Variants in DNM3 observed in about 807,000 individuals in gnomAD.
DNM3 encodes dynamin 3.
DNM3 carries 47 observed loss-of-function variants against 101.6 expected under a neutral mutation model. That is an observed-to-expected ratio of 0.46 (90% CI 0.37 to 0.59). The LOEUF is 0.59. Ranked by LOEUF, DNM3 falls within the 20% of genes least tolerant of loss-of-function variation. The pLI is 0.00. For synonymous variants in DNM3, 385 were observed against 387.9 expected (o/e 0.99, Z 0.09); for missense variants, 849 against 1,085.7 (o/e 0.78, Z 3.06).
chr1:172,005,783 A>G (rs2046648213), intron 4 of DNM3, among the ~76,000 whole-genome samples: 3 of 152,112 alleles, frequency 2.0e-5, no homozygotes, highest in African/African-American at 2.4e-5. Flanking sequence ...AACAAAACCA[A>G]TTGACTTAAT....
rs1178014433 is a variant in DNM3 at position 171,871,862 on chromosome 1, TTG to T, written c.161+30047_161+30048del. Among the ~76,000 whole-genome samples, 4 of 98,422 alleles carry T rather than the reference TTG, an allele frequency of 4.1e-5. No individual in the cohort carries two copies. The East Asian group carries it at 1.2e-3, about 31-fold the overall frequency. The allele number at this position is 98,422 out of a possible 152,430, so 64.6% of individuals were successfully genotyped here. A position where few individuals can be genotyped will look rare whatever the true frequency, so the allele number is the denominator to read the frequency against. ...TTCTGTTAAAATTTTAGTTGTTGTC[TTG>T]TTTTTTTTTTTTTGCTAAATAGAAT... On this transcript the variant is annotated intron_variant, in intron 1 of 20. Coordinates refer to ENST00000627582, the MANE Select transcript of DNM3 (RefSeq NM_015569.5).
chr1:172,304,274 T>C (rs1456446721), intron 15 of DNM3, among the ~76,000 whole-genome samples: 1 of 127,928 alleles, frequency 7.8e-6, no homozygotes, highest in Non-Finnish European at 1.6e-5. Context: ...CCAACAAAGA[T>C]CAAAAGAGAC....
intron 13 of DNM3, among the ~76,000 whole-genome samples, chr1:172,116,710 T>C (rs921980541): frequency 3.9e-5 from 6 of 152,236 alleles, no homozygotes; most frequent in Non-Finnish European, 8.8e-5. Context: ...TAAGCAAAGT[T>C]AAAAGGTGTG....
intron 14 of DNM3, among the ~76,000 whole-genome samples, chr1:172,222,354 C>T (rs144229060): frequency 6.6e-6 from 1 of 152,230 alleles, no homozygotes; most frequent in African/African-American, 2.4e-5. Flanking sequence ...CTCAAAGTTG[C>T]CTAATATCAA....
chr1:171,921,945 AT>A (rs1393014946), intron 2 of DNM3, 124 bp downstream of exon 2: 4 of 712,478 alleles, frequency 5.6e-6, no homozygotes, highest in Middle Eastern at 2.4e-4. Context: ...AGCTGCCCAC[AT>A]TTCTCTCCAG....
intron 2 of DNM3, among the ~76,000 whole-genome samples, chr1:171,941,306 C>T (rs1448738770): frequency 6.6e-6 from 1 of 152,112 alleles, no homozygotes; most frequent in East Asian, 1.9e-4. Flanking sequence ...GCAAAGGTGG[C>T]TTGGGTATTT....
chr1:171,914,148 G>T (rs969867096), intron 1 of DNM3, among the ~76,000 whole-genome samples: 6 of 151,792 alleles, frequency 4.0e-5, no homozygotes, highest in East Asian at 1.9e-4. Context: ...TCTGTTTTTT[G>T]GTTTTTGTTT....
intron 2 of DNM3, among the ~76,000 whole-genome samples, chr1:171,957,515 A>G (rs2042945126): frequency 1.3e-5 from 2 of 151,862 alleles, no homozygotes; most frequent in African/African-American, 4.8e-5. Context: ...TTTCTTTTCT[A>G]TTGCATCATC....
intron 14 of DNM3, among the ~76,000 whole-genome samples, chr1:172,165,576 G>A (rs2058715377): frequency 6.6e-6 from 1 of 151,798 alleles, no homozygotes; most frequent in Non-Finnish European, 1.5e-5. Context: ...AGCCAAACTG[G>A]GCTCCTCCCT....
chr1:172,289,811 A>C (rs1400945324), intron 15 of DNM3: 3 of 984,822 alleles, frequency 3.0e-6, no homozygotes, highest in Non-Finnish European at 3.6e-6. Flanking sequence ...AAAAATTTGC[A>C]TGGAGTTTTA....
chr1:171,870,014 T>G (rs1057439735), intron 1 of DNM3, among the ~76,000 whole-genome samples: 2 of 152,176 alleles, frequency 1.3e-5, no homozygotes, highest in African/African-American at 4.8e-5. Flanking sequence ...AGTGCAGAAG[T>G]GCAGATATAG....
chr1:171,945,339 T>A (rs558512796), intron 2 of DNM3, among the ~76,000 whole-genome samples: 1 of 152,256 alleles, frequency 6.6e-6, no homozygotes, highest in East Asian at 1.9e-4. Flanking sequence ...TATAAATGCA[T>A]GGATAGTAAA....
chr1:172,336,277 G>A (rs185039553), intron 17 of DNM3, among the ~76,000 whole-genome samples: 40 of 152,196 alleles, frequency 2.6e-4, no homozygotes, highest in African/African-American at 3.9e-4. Context: ...ATAAGTGAAC[G>A]CATCAGGATT....
In DNM3 at chr1:171,841,690, C is replaced by A; in HGVS notation, c.34C>A (p.Leu12Met). The A allele has an allele frequency of 6.2e-7, 1 of 1,611,920 alleles. No homozygotes were observed. The highest frequency in any genetic ancestry group is 8.5e-7 in the Non-Finnish European group (1 of 1,179,344). ...CCGGGAGATGGAGGAGCTGATCCCG[C>A]TGGTGAACCGTCTGCAGGACGCGTT... ...GNREMEELIPLVNRLQDAFSA... is the reference protein window; with the variant it reads ...GNREMEELIPMVNRLQDAFSA... Residue 12 changes from leucine (L) to methionine (M), a missense_variant, in exon 1 of 21, where the codon CTG becomes ATG. Leu to Met is a conservative substitution (Grantham distance 15). Around this residue, in one of 5 missense-constraint regions of DNM3, gnomAD observed 388 missense variants for 483.0 expected, o/e 0.80. Coordinates refer to ENST00000627582, the MANE Select transcript of DNM3 (RefSeq NM_015569.5).
chr1:172,118,312 A>G (rs2056067873), intron 13 of DNM3, among the ~76,000 whole-genome samples: 1 of 152,156 alleles, frequency 6.6e-6, no homozygotes, highest in South Asian at 2.1e-4. Context: ...ACTCTTTTTC[A>G]GAGGTATGAT....
intron 14 of DNM3, among the ~76,000 whole-genome samples, chr1:172,181,114 A>G (rs1336272023): frequency 6.6e-6 from 1 of 151,998 alleles, no homozygotes; most frequent in Non-Finnish European, 1.5e-5. Flanking sequence ...TTCACTTTTC[A>G]TATAGTAATT....
intron 2 of DNM3, among the ~76,000 whole-genome samples, chr1:171,924,501 C>T (rs1401697773): frequency 1.3e-5 from 2 of 152,042 alleles, no homozygotes; most frequent in African/African-American, 4.8e-5. Context: ...TGGTGGAAGG[C>T]AAAGGGGAAG....
At chr1:172,023,826 T>G (rs1435495906) in intron 4 of DNM3, among the ~76,000 whole-genome samples, 7 of 150,034 alleles carry the variant, frequency 4.7e-5, no homozygotes, top group Non-Finnish European at 8.9e-5. Flanking sequence ...CTGGGCCATT[T>G]CTCTAGTTTT....
chr1:171,970,829 G>A (rs1250088006), intron 2 of DNM3, among the ~76,000 whole-genome samples: 1 of 151,840 alleles, frequency 6.6e-6, no homozygotes, highest in East Asian at 1.9e-4. Flanking sequence ...CTTCTTTCAG[G>A]ATGTTAACAA....
Sources: gnomAD v4.1 joint callset for allele counts (sites outside exome capture counted in the v4.1 genomes callset) on GRCh38, gnomAD v4.1.1 for gene constraint, gnomAD v4.1.1 regional missense constraint, MANE v1.5 for transcripts, NCBI Gene and HGNC (gene_info 2026-07-23, HGNC 2026-07-21) for gene names.